TMEM74: variants seen among roughly 807,000 people sequenced by gnomAD.
The protein encoded by TMEM74 is transmembrane protein 74.
In TMEM74, 13 loss-of-function variants were observed where a neutral mutation model predicts 18.1. That is an observed-to-expected ratio of 0.72 (90% CI 0.47 to 1.14). TMEM74 has a LOEUF of 1.14. Ranked by LOEUF, TMEM74 falls within the 50% of genes most tolerant of loss-of-function variation. The pLI, the probability that TMEM74 is intolerant of heterozygous loss-of-function variation, is 0.00. For missense variants in TMEM74, 372 were observed against 375.9 expected, an observed-to-expected ratio of 0.99 and a Z score of 0.09; for synonymous variants, 159 against 146.6, an observed-to-expected ratio of 1.08 and a Z score of -0.61.
At chr8:108,787,214 T>A (rs766985455) in intron 1 of TMEM74, among the ~76,000 whole-genome samples, 9 of 152,036 alleles carry the variant, frequency 5.9e-5, no homozygotes, top group Non-Finnish European at 1.3e-4. Flanking sequence ...GGAGGCGACC[T>A]CTGGATGCGC....
At chr8:108,627,905 A>G (rs3019385) in intron 2 of TMEM74, among the ~76,000 whole-genome samples, 33,076 of 151,666 alleles carry the variant, frequency 0.22, 3,629 homozygotes, top group East Asian at 0.27. Flanking sequence ...ATACAAAAAC[A>G]TTAGCTGGGT....
At chr8:108,705,010 G>A (rs1813383294) in intron 1 of TMEM74, among the ~76,000 whole-genome samples, 1 of 151,718 alleles carries the variant, frequency 6.6e-6, no homozygotes, top group African/African-American at 2.4e-5. Context: ...AATGTATGAG[G>A]GCAAATTTTA....
At chr8:108,615,697 G>T (rs749711557) in intron 2 of TMEM74, among the ~76,000 whole-genome samples, 13 of 151,930 alleles carry the variant, frequency 8.6e-5, no homozygotes, top group Non-Finnish European at 1.5e-5. Flanking sequence ...GCATAAGAAG[G>T]TTTATCATGC....
intron 1 of TMEM74, among the ~76,000 whole-genome samples, chr8:108,762,862 G>C (rs1814061831): frequency 6.6e-6 from 1 of 152,084 alleles, no homozygotes; most frequent in Non-Finnish European, 1.5e-5. Flanking sequence ...GCAATGAAGT[G>C]AGACCTCCTC....
At chr8:108,664,287 A>T (rs985417565) in intron 1 of TMEM74, among the ~76,000 whole-genome samples, 1 of 152,034 alleles carries the variant, frequency 6.6e-6, no homozygotes, top group Admixed American at 6.6e-5. Context: ...TGTTTATGTC[A>T]TCTCTGATTT....
intron 1 of TMEM74, among the ~76,000 whole-genome samples, chr8:108,762,030 A>T (rs555374088): frequency 6.6e-6 from 1 of 152,280 alleles, no homozygotes; most frequent in East Asian, 1.9e-4. Flanking sequence ...AGCGAAGTTT[A>T]GAAATAATTT....
Position 108,754,042 on chromosome 8 carries a change from G to A in TMEM74, n.119+33434C>T, listed in dbSNP as rs551928273. ...AGTAGGAGGTAGGAGCTGAGAATTT[G>A]CTTATCTTAACAAGTTCTGAAGCTT... is the stretch of plus-strand genomic sequence containing the variant. On this transcript the variant is annotated intron_variant and non_coding_transcript_variant, in intron 1 of 3. Transcript: ENST00000518838. Among the ~76,000 whole-genome samples, 11 of 152,132 alleles carry A rather than the reference G, an allele frequency of 7.2e-5. No homozygotes were observed. The East Asian group carries it at 2.1e-3, about 30-fold the overall frequency.
intron 1 of TMEM74, among the ~76,000 whole-genome samples, chr8:108,760,702 G>T (rs1479508247): frequency 6.6e-6 from 1 of 151,946 alleles, no homozygotes; most frequent in Non-Finnish European, 1.5e-5. Context: ...CCTGATAGCT[G>T]GTGTCTGATG....
Position 108,607,198 on chromosome 8 carries a change from A to G in TMEM74, n.907T>C, listed in dbSNP as rs1563730816. ...CAGATTCAAGGAAGTGAAGAAATACACTCCAGCTTTTGATGTTCAGAATTG... is the reference window on the plus strand; with the variant it reads ...CAGATTCAAGGAAGTGAAGAAATACGCTCCAGCTTTTGATGTTCAGAATTG... On this transcript the variant is annotated non_coding_transcript_exon_variant, in exon 4 of 4. Transcript: ENST00000518838. 2.0e-5 allele frequency: 3 copies of G among 152,134 alleles called. No homozygotes were observed. The South Asian group carries it at 6.2e-4, about 31-fold the overall frequency. 9.4% of individuals were successfully genotyped at this position (152,134 alleles called of 1,614,324 possible).
chr8:108,630,988 C>T (rs1563736209), intron 2 of TMEM74, among the ~76,000 whole-genome samples: 1 of 151,950 alleles, frequency 6.6e-6, no homozygotes, highest in Non-Finnish European at 1.5e-5. Flanking sequence ...TACACCTACA[C>T]TCACTCATAC....
intron 1 of TMEM74, among the ~76,000 whole-genome samples, chr8:108,679,946 GA>G (rs1813095272): frequency 6.6e-6 from 1 of 152,136 alleles, no homozygotes. Context: ...AGAAGAAATG[GA>G]TAAATTCCTC....
In TMEM74 at chr8:108,784,648, C is replaced by T. The variant is rs752566585; in HGVS notation, c.451G>A (p.Ala151Thr). The T allele has an allele frequency of 3.2e-5, 51 of 1,614,054 alleles. 1 individual carries two copies. The Middle Eastern group carries it at 2.3e-3, about 73-fold the overall frequency. The stretch of plus-strand genomic sequence containing the variant: ...TCTTCAGATATCAAAGATATGGCAG[C>T]CTCTTGGGACCACTCATTTGGATTT... The part of the protein sequence containing the change: ...WENPNEWSQE[A>T]AISLISEEED... Residue 151 changes from alanine (A) to threonine (T), a missense_variant, in exon 2 of 2, where the codon GCT becomes ACT. Coordinates refer to ENST00000297459, the MANE Select transcript of TMEM74 (RefSeq NM_153015.3).
At chr8:108,697,413 A>T (rs371546012) in intron 1 of TMEM74, among the ~76,000 whole-genome samples, 1 of 152,034 alleles carries the variant, frequency 6.6e-6, no homozygotes, top group African/African-American at 2.4e-5. Flanking sequence ...CCTTTAAAAC[A>T]TTTATTTTAT....
chr8:108,765,541 G>A (rs901586697), intron 1 of TMEM74, among the ~76,000 whole-genome samples: 1 of 151,140 alleles, frequency 6.6e-6, no homozygotes, highest in African/African-American at 2.4e-5. Context: ...CAAGTAGCTT[G>A]GGATTACAGG....
At chr8:108,645,666 T>C (rs938418435) in intron 2 of TMEM74, among the ~76,000 whole-genome samples, 1 of 151,970 alleles carries the variant, frequency 6.6e-6, no homozygotes, top group African/African-American at 2.4e-5. Flanking sequence ...GTCTGAGGGC[T>C]CCCAGCCTTG....
intron 3 of TMEM74, among the ~76,000 whole-genome samples, chr8:108,608,298 C>CAAA (rs374774953): frequency 5.2e-4 from 38 of 72,594 alleles, no homozygotes; most frequent in African/African-American, 1.9e-3. Flanking sequence ...AAGACTCTGT[C>CAAA]AAAAAAAAAA....
At chr8:108,764,205 A>T (rs1408878721) in intron 1 of TMEM74, among the ~76,000 whole-genome samples, 1 of 152,174 alleles carries the variant, frequency 6.6e-6, no homozygotes, top group African/African-American at 2.4e-5. Context: ...CAGCAATGGC[A>T]TACCAACTGC....
intron 1 of TMEM74, among the ~76,000 whole-genome samples, chr8:108,728,924 G>T (rs967180263): frequency 1.3e-5 from 2 of 152,066 alleles, no homozygotes; most frequent in African/African-American, 4.8e-5. Flanking sequence ...CTAAATAAAC[G>T]GTAATTTAAC....
intron 2 of TMEM74, among the ~76,000 whole-genome samples, chr8:108,644,685 G>T (rs1050060063): frequency 2.6e-5 from 4 of 152,070 alleles, no homozygotes; most frequent in African/African-American, 7.2e-5. Context: ...TAAAACGTGC[G>T]CAGAGAACAT....
Sources: gnomAD v4.1 joint callset for allele counts (sites outside exome capture counted in the v4.1 genomes callset) on GRCh38, gnomAD v4.1.1 for gene constraint, MANE v1.5 for transcripts, NCBI Gene and HGNC (gene_info 2026-07-23, HGNC 2026-07-21) for gene names.